Variants in SAT1 observed in about 807,000 individuals in gnomAD.
The protein encoded by SAT1 is spermidine/spermine N1-acetyltransferase 1, also known as diamine acetyltransferase 1.
SAT1 carries 1 observed loss-of-function variant against 14.7 expected under a neutral mutation model. The observed-to-expected ratio is 0.07, with a 90% confidence interval of 0.02 to 0.32. The LOEUF is 0.32. Ranked by LOEUF, SAT1 falls within the 10% of genes least tolerant of loss-of-function variation. The probability of loss-of-function intolerance (pLI) is 1.00; values close to 1 mark genes in which losing one functional copy is unlikely to be tolerated. For synonymous variants in SAT1, 67 were observed against 46.1 expected (o/e 1.45, Z -1.84); for missense variants, 77 against 129.1 (o/e 0.60, Z 1.96).
In SAT1 at chrX:23,785,960, T is replaced by C. The variant is rs1922704607; in HGVS notation, c.*104T>C. On this transcript the variant is annotated 3_prime_UTR_variant, in exon 6 of 6. Transcript: ENST00000379270. ...AGTGAAATAATAGAATGAGCACCCA[T>C]TCCAAAGCTTTATTACCAGTGGCGT... 37 of 710,434 alleles carry C rather than the reference T, an allele frequency of 5.2e-5. No homozygotes were observed. In the South Asian group the frequency reaches 1.4e-3, roughly 26 times the overall value. 58.5% of individuals were successfully genotyped at this position (710,434 alleles called of 1,213,427 possible). A position where few individuals can be genotyped will look rare whatever the true frequency, so the allele number is the denominator to read the frequency against.
intron 1 of SAT1, 80 bp from the exon 2 acceptor site, chrX:23,783,578 C>CCCAAAACCAAA: frequency 3.9e-6 from 3 of 761,158 alleles, no homozygotes; most frequent in Non-Finnish European, 5.7e-6. Context: ...CCCGCCCGCC[C>CCCAAAACCAAA]CATTCCGTTC....
rs1461283824 is a variant in SAT1, at chrX:23,783,209, C to T, written c.-143C>T. The T allele has an allele frequency of 7.6e-6, 4 of 528,351 alleles. No individual in the cohort carries two copies. The highest frequency in any genetic ancestry group is 1.0e-5 in the Non-Finnish European group (3 of 300,562). The allele number at this position is 528,351 out of a possible 1,213,427, so 43.5% of individuals were successfully genotyped here. On this transcript the variant is annotated 5_prime_UTR_variant, in exon 1 of 6. Transcript: ENST00000379270. The stretch of plus-strand genomic sequence containing the variant: ...AGTCGCGGGCCGACTGGTGTTTATC[C>T]GTCACTCGCCGAGGTTCCTTGGGTC...
chrX:23,784,081 G>T (rs1181012310), intron 3 of SAT1, 198 bp downstream of exon 3: 1 of 1,106,767 alleles, frequency 9.0e-7, no homozygotes, highest in African/African-American at 1.9e-5. Context: ...CAGGTTAAAA[G>T]AGCTGTTTAA....
rs1804460 is a variant in SAT1 at position 23,785,392 on chromosome X, G to A, written c.267G>A (p.Leu89=). Residue 89 remains leucine (L), a synonymous_variant, in exon 4 of 6, where the codon TTG becomes TTA. Coordinates refer to ENST00000379270, the MANE Select transcript of SAT1 (RefSeq NM_002970.4). ...ATGACCCGTGGATTGGCAAGTTATT[G>A]TATCTTGAGGACTTCTTCGTGATGA... is the stretch of plus-strand genomic sequence containing the variant. ...FTYDPWIGKL[L]YLEDFFVMSD... is the part of the protein sequence containing the mutation. 3.3e-6 allele frequency: 4 copies of A among 1,204,649 alleles called. No homozygotes were observed. The highest frequency in any genetic ancestry group is 1.7e-5 in the African/African-American group (1 of 57,224).
At position 23,783,825 on chromosome X, in the gene SAT1, G is replaced by A; in HGVS notation, c.144G>A (p.Glu48=). The change falls in exon 3 of 6, where the codon GAG becomes GAA. Residue 48 remains glutamate (E), a synonymous_variant. Transcript: ENST00000379270. The part of the protein sequence containing the change: ...EKDLLEDGFG[E]HPFYHCLVAE... The stretch of plus-strand genomic sequence containing the variant: ...ATCTGCTAGAAGATGGTTTTGGAGA[G>A]CACCCCTTTTACCACTGCCTGGTTG... 8.3e-7 allele frequency: 1 copy of A among 1,211,646 alleles called. No homozygotes were observed. The highest frequency in any genetic ancestry group is 1.1e-6 in the Non-Finnish European group (1 of 895,504).
At chrX:23,783,749 G>C (rs1248809338) in intron 2 of SAT1, 40 bp downstream of exon 2, 1 of 1,209,971 alleles carries the variant, frequency 8.3e-7, no homozygotes, top group East Asian at 3.0e-5. Context: ...AGCGTTCGGT[G>C]CCTGTCACCT....
intron 3 of SAT1, chrX:23,785,108 G>A (rs1922668795): frequency 2.3e-6 from 1 of 431,144 alleles, no homozygotes; most frequent in Admixed American, 4.1e-5. Flanking sequence ...AGTGAGTTCT[G>A]ATGTGTGCTT....
chrX:23,783,447 C>T, intron 1 of SAT1, 30 bp downstream of exon 1: 2 of 1,169,172 alleles, frequency 1.7e-6, no homozygotes, highest in Non-Finnish European at 2.3e-6. Flanking sequence ...CCTCCCGGGG[C>T]GTGGGGTGGA....
At position 23,783,241 on chromosome X, in the gene SAT1, C is replaced by T. The variant is rs1380818968; in HGVS notation, c.-111C>T. ...CGCCGAGGTTCCTTGGGTCATGGTG[C>T]CAGCCTGACTGAGAAGAGGACGCTC... is the stretch of plus-strand genomic sequence containing the variant. On this transcript the variant is annotated 5_prime_UTR_variant, in exon 1 of 6. Transcript: ENST00000379270. 6.9e-6 allele frequency: 5 copies of T among 722,829 alleles called. No individual in the cohort carries two copies. Among genetic ancestry groups the T allele is most frequent in the Non-Finnish European group, 1.1e-5 (5 of 463,898 alleles). 59.6% of individuals were successfully genotyped at this position (722,829 alleles called of 1,213,427 possible). A position where few individuals can be genotyped will look rare whatever the true frequency, so the allele number is the denominator to read the frequency against.
chrX:23,783,562 A>AGGC, intron 1 of SAT1, 96 bp from the exon 2 acceptor site: 1 of 673,069 alleles, frequency 1.5e-6, no homozygotes, highest in Non-Finnish European at 2.2e-6. Context: ...CTCGGCCGCC[A>AGGC]CCCCGCCCGC....
chrX:23,785,438 G>C lies in SAT1; in HGVS notation c.304+9G>C. On this transcript the variant is annotated intron_variant, in intron 4 of 5. Transcript: ENST00000379270. ...GATGAGTGATTATAGAGGTACGATT[G>C]AGTTCGGAGCAGAGGGTCTGAAGAG... 1 of 1,173,733 alleles carries C rather than the reference G, an allele frequency of 8.5e-7. No homozygotes were observed. The highest frequency in any genetic ancestry group is 1.2e-6 in the Non-Finnish European group (1 of 860,617).
In SAT1 at chrX:23,783,708, A is replaced by T. The variant is rs747031398; in HGVS notation, c.117A>T (p.Lys39Asn). The T allele has an allele frequency of 5.8e-6, 7 of 1,209,568 alleles. No individual in the cohort carries two copies. Among genetic ancestry groups the T allele is most frequent in the Non-Finnish European group, 7.8e-6 (7 of 894,100 alleles). The stretch of plus-strand genomic sequence containing the variant: ...AAGAACAAGTAATCTTAACTGAAAA[A>T]GGTAATTCAACAGTGGCGGGACGGG... ...YMEEQVILTE[K>N]DLLEDGFGEH... is the part of the protein sequence containing the mutation. The change falls in exon 2 of 6, where the codon AAA (lysine) becomes AAT (asparagine). Residue 39 changes from lysine (K) to asparagine (N), a missense_variant and splice_region_variant. Coordinates refer to ENST00000379270, the MANE Select transcript of SAT1 (RefSeq NM_002970.4).
Position 23,785,934 on chromosome X carries a change from T to C in SAT1, c.*78T>C. On this transcript the variant is annotated 3_prime_UTR_variant, in exon 6 of 6. Transcript: ENST00000379270. ...CTTCTCTTGCTTTCTATGCTGTTTG[T>C]AGTGAAATAATAGAATGAGCACCCA... 1.1e-6 allele frequency: 1 copy of C among 889,856 alleles called. No individual in the cohort carries two copies. The highest frequency in any genetic ancestry group is 1.5e-6 in the Non-Finnish European group (1 of 652,258). 73.3% of individuals were successfully genotyped at this position (889,856 alleles called of 1,213,427 possible).
chrX:23,783,205 T>C lies in SAT1; in HGVS notation c.-147T>C. Reference sequence around the variant, plus strand: ...TCTTAGTCGCGGGCCGACTGGTGTTTATCCGTCACTCGCCGAGGTTCCTTG... The same window carrying C: ...TCTTAGTCGCGGGCCGACTGGTGTTCATCCGTCACTCGCCGAGGTTCCTTG... On this transcript the variant is annotated 5_prime_UTR_variant, in exon 1 of 6. Transcript: ENST00000379270. 1.9e-6 allele frequency: 1 copy of C among 527,093 alleles called. No individual in the cohort carries two copies. Among genetic ancestry groups the C allele is most frequent in the South Asian group, 2.6e-5 (1 of 37,786 alleles). The allele number at this position is 527,093 out of a possible 1,213,427, so 43.4% of individuals were successfully genotyped here.
In SAT1 at chrX:23,783,894, G is replaced by C; in HGVS notation, c.202+11G>C. On this transcript the variant is annotated intron_variant, in intron 3 of 5. Transcript: ENST00000379270. ...ACTGGACTCCGGAAGGTAACCCCTC[G>C]CCCTTTCCAGAAGCCAGAGAGACCA... The C allele has an allele frequency of 8.3e-7, 1 of 1,211,462 alleles. No individual in the cohort carries two copies. Among genetic ancestry groups the C allele is most frequent in the South Asian group, 1.8e-5 (1 of 56,982 alleles).
Position 23,785,787 on chromosome X carries a change from C to A in SAT1, c.447C>A (p.Ser149=), listed in dbSNP as rs761860804. The change falls in exon 6 of 6, where the codon TCC becomes TCA. Residue 149 remains serine (S), a synonymous_variant. Coordinates refer to ENST00000379270, the MANE Select transcript of SAT1 (RefSeq NM_002970.4). ...FYKRRGASDL[S]SEEGWRLFKI... Reference sequence around the variant, plus strand: ...AAAGAAGAGGTGCTTCTGATCTGTCCAGTGAAGAGGGTTGGAGACTGTTCA... The same window carrying A: ...AAAGAAGAGGTGCTTCTGATCTGTCAAGTGAAGAGGGTTGGAGACTGTTCA... 4.1e-6 allele frequency: 5 copies of A among 1,207,991 alleles called. No homozygotes were observed. In the African/African-American group the frequency reaches 8.8e-5, roughly 21 times the overall value.
rs756503777 is a variant in SAT1, at chrX:23,784,137, T to C, written c.202+254T>C. On this transcript the variant is annotated intron_variant, in intron 3 of 5. Coordinates refer to ENST00000379270, the MANE Select transcript of SAT1 (RefSeq NM_002970.4). Reference sequence around the variant, plus strand: ...GAGACTCGGAAGTGTTTAAGCTGCTTAAGTAAGTATAAGTGCTGTGGAGAC... The same window carrying C: ...GAGACTCGGAAGTGTTTAAGCTGCTCAAGTAAGTATAAGTGCTGTGGAGAC... 1.3e-5 allele frequency: 13 copies of C among 1,026,902 alleles called. No individual in the cohort carries two copies. In the South Asian group the frequency reaches 2.5e-4, roughly 20 times the overall value. 84.6% of individuals were successfully genotyped at this position (1,026,902 alleles called of 1,213,427 possible).
intron 3 of SAT1, 124 bp from the exon 4 acceptor site, chrX:23,785,204 C>T (rs920546545): frequency 1.5e-5 from 8 of 530,559 alleles, no homozygotes; most frequent in Non-Finnish European, 2.7e-5. Context: ...ACAGCCATGG[C>T]TACTTGTTTC....
chrX:23,784,806 G>A (rs1922657389), intron 3 of SAT1: 2 of 113,379 alleles, frequency 1.8e-5, no homozygotes, highest in Non-Finnish European at 3.7e-5. Flanking sequence ...TTGAAAATGC[G>A]TAAATTGGAA....
Sources: allele counts gnomAD v4.1 joint callset, GRCh38; gene constraint gnomAD v4.1.1; transcripts MANE v1.5; gene names NCBI Gene and HGNC (gene_info 2026-07-23, HGNC 2026-07-21).